Variants in TENM2 observed in about 807,000 individuals in gnomAD.
TENM2 encodes the protein teneurin transmembrane protein 2.
Under a neutral mutation model 245.2 loss-of-function variants are expected in TENM2, and 52 were observed. The observed-to-expected ratio is 0.21, with a 90% confidence interval of 0.17 to 0.27. The LOEUF is 0.27. Ranked by LOEUF, TENM2 falls within the 10% of genes least tolerant of loss-of-function variation. TENM2 has a pLI of 1.00. For missense variants in TENM2, 3,046 were observed against 3,666.8 expected, an observed-to-expected ratio of 0.83 and a Z score of 4.37; for synonymous variants, 1,363 against 1,438.9, an observed-to-expected ratio of 0.95 and a Z score of 1.19.
intron 2 of TENM2, among the ~76,000 whole-genome samples, chr5:167,401,947 C>T (rs1448468778): frequency 1.3e-5 from 2 of 152,152 alleles, no homozygotes; most frequent in Non-Finnish European, 2.9e-5. Context: ...CATGTCACCT[C>T]CCCAACCAAC....
intron 2 of TENM2, among the ~76,000 whole-genome samples, chr5:167,788,556 A>T (rs1421489431): frequency 3.3e-5 from 5 of 152,250 alleles, no homozygotes; most frequent in African/African-American, 1.2e-4. Flanking sequence ...CTCAGAAATA[A>T]GGAAAATATT....
In TENM2 at chr5:168,200,141, G is replaced by A. The variant is rs1581613759; in HGVS notation, c.3430+10G>A. On this transcript the variant is annotated intron_variant, in intron 17 of 28. Coordinates refer to ENST00000518659, the Ensembl canonical transcript of TENM2. ...CTCTCAGATGCTGTTGGTATGTTTTGGTTTCAACCACTTATTGATCAATGG... is the reference window on the plus strand; with the variant it reads ...CTCTCAGATGCTGTTGGTATGTTTTAGTTTCAACCACTTATTGATCAATGG... 2 of 1,608,230 alleles carry A rather than the reference G, an allele frequency of 1.2e-6. No individual in the cohort carries two copies. Among genetic ancestry groups the A allele is most frequent in the Non-Finnish European group, 1.7e-6 (2 of 1,176,312 alleles).
At chr5:168,000,410 G>A (rs1784343279) in intron 5 of TENM2, among the ~76,000 whole-genome samples, 1 of 152,218 alleles carries the variant, frequency 6.6e-6, no homozygotes, top group Admixed American at 6.5e-5. Flanking sequence ...GGACTTTGGT[G>A]TCAGAGAGGG....
chr5:167,701,958 G>GT (rs1300353225), intron 2 of TENM2, among the ~76,000 whole-genome samples: 1 of 152,074 alleles, frequency 6.6e-6, no homozygotes, highest in African/African-American at 2.4e-5. Context: ...GAGAATATTT[G>GT]TTTTGGCAAG....
intron 2 of TENM2, among the ~76,000 whole-genome samples, chr5:167,792,711 T>C (rs1317324721): frequency 6.6e-6 from 1 of 151,460 alleles, no homozygotes; most frequent in Non-Finnish European, 1.5e-5. Flanking sequence ...ATGGGGGTCT[T>C]ACTGCCTTTT....
intron 2 of TENM2, among the ~76,000 whole-genome samples, chr5:167,422,346 A>G (rs1380801521): frequency 6.6e-6 from 1 of 152,172 alleles, no homozygotes; most frequent in Non-Finnish European, 1.5e-5. Context: ...CATTTTCTCC[A>G]ATCAGCATCC....
chr5:168,164,254 G>T (rs561939385), intron 13 of TENM2, among the ~76,000 whole-genome samples: 1 of 152,316 alleles, frequency 6.6e-6, no homozygotes, highest in South Asian at 2.1e-4. Context: ...TTGTCTTGGG[G>T]TGATTTTTTG....
intron 2 of TENM2, among the ~76,000 whole-genome samples, chr5:167,763,970 G>A (rs1480371776): frequency 4.6e-5 from 7 of 151,928 alleles, no homozygotes; most frequent in African/African-American, 1.7e-4. Context: ...TTCTTCGTGG[G>A]AAGGTGTCTC....
chr5:168,004,509 G>GCA (rs1554170165), intron 5 of TENM2, among the ~76,000 whole-genome samples: 58 of 113,408 alleles, frequency 5.1e-4, no homozygotes, highest in African/African-American at 1.9e-3. Flanking sequence ...GCACGCATGC[G>GCA]CGCGCGCGCA....
chr5:167,308,865 C>T (rs1459797188), intron 1 of TENM2, among the ~76,000 whole-genome samples: 3 of 152,184 alleles, frequency 2.0e-5, no homozygotes, highest in South Asian at 2.1e-4. Flanking sequence ...AAAACTACCA[C>T]GTTGGAGACG....
intron 1 of TENM2, among the ~76,000 whole-genome samples, chr5:167,313,462 C>A (rs1174778020): frequency 6.6e-6 from 1 of 152,100 alleles, no homozygotes; most frequent in African/African-American, 2.4e-5. Context: ...ATTTGTGAAA[C>A]CCTGTTTCTA....
the TENM2 span, among the ~76,000 whole-genome samples, chr5:167,178,259 C>T: frequency 6.6e-6 from 1 of 152,164 alleles, no homozygotes; most frequent in Middle Eastern, 3.2e-3. Context: ...CAAAGTGAAG[C>T]GTCTTGGACC....
chr5:167,884,042 A>G (rs1441203007), intron 3 of TENM2, among the ~76,000 whole-genome samples: 1 of 152,218 alleles, frequency 6.6e-6, no homozygotes, highest in Admixed American at 6.5e-5. Context: ...CTAACACTAT[A>G]ATCTTGAGCA....
the TENM2 span, among the ~76,000 whole-genome samples, chr5:167,076,851 CT>C: frequency 3.3e-5 from 5 of 151,818 alleles, no homozygotes; most frequent in South Asian, 8.3e-4. Flanking sequence ...CTTCTTTTTT[CT>C]TTTTTTGACA....
intron 10 of TENM2, among the ~76,000 whole-genome samples, chr5:168,122,643 T>C (rs1795549314): frequency 6.6e-6 from 1 of 152,134 alleles, no homozygotes; most frequent in Admixed American, 6.5e-5. Flanking sequence ...AACAAGATTA[T>C]GTAACATCAT....
At chr5:168,146,945 C>T (rs1245589690) in intron 12 of TENM2, among the ~76,000 whole-genome samples, 6 of 152,200 alleles carry the variant, frequency 3.9e-5, no homozygotes, top group Non-Finnish European at 5.9e-5. Context: ...CTTCACCTGT[C>T]GGGAAAGTCA....
chr5:167,499,202 G>A (rs531658998), intron 2 of TENM2, among the ~76,000 whole-genome samples: 27 of 152,132 alleles, frequency 1.8e-4, no homozygotes, highest in African/African-American at 6.5e-4. Context: ...CTCTTAGAAA[G>A]TATCCTTTAT....
chr5:168,257,425 T>C (rs1409395103), intron 27 of TENM2, among the ~76,000 whole-genome samples: 1 of 152,010 alleles, frequency 6.6e-6, no homozygotes, highest in Non-Finnish European at 1.5e-5. Flanking sequence ...GGTGGTGAGA[T>C]GAGTGCATCC....
chr5:167,633,715 A>G (rs1241644781), intron 2 of TENM2, among the ~76,000 whole-genome samples: 1 of 152,070 alleles, frequency 6.6e-6, no homozygotes, highest in African/African-American at 2.4e-5. Flanking sequence ...CCATCTTTAT[A>G]ATAATATTGA....
Sources: allele counts gnomAD v4.1 joint callset (sites outside exome capture counted in the v4.1 genomes callset), GRCh38; gene constraint gnomAD v4.1.1; transcripts MANE v1.5; gene names NCBI Gene and HGNC (gene_info 2026-07-23, HGNC 2026-07-21).